Variants in BAALC observed in about 807,000 individuals in gnomAD.
BAALC encodes the protein BAALC binder of MAP3K1 and KLF4, also known as brain and acute leukemia cytoplasmic protein.
A neutral mutation model predicts 15.5 loss-of-function variants in BAALC; 9 were observed. The ratio of observed to expected loss-of-function variants is 0.58; its 90% CI spans 0.35 to 1.02. BAALC has a LOEUF of 1.02. BAALC is among the 50% of genes least tolerant of loss of function. The pLI is 0.02. For missense variants in BAALC, 201 were observed against 192.4 expected (o/e 1.04, Z -0.27); for synonymous variants, 80 against 74.6 (o/e 1.07, Z -0.37).
At chr8:103,203,715 C>T (rs150577543) in intron 1 of BAALC, among the ~76,000 whole-genome samples, 6 of 152,230 alleles carry the variant, frequency 3.9e-5, no homozygotes, top group African/African-American at 7.2e-5. Flanking sequence ...TTTCACGTAG[C>T]GTAATGGTTT....
rs1168540880 is a variant in BAALC, at chr8:103,181,448, T to TTTTGTATTTTTGTA, written c.161-31468_161-31467insGTATTTTTGTATTT. Among the ~76,000 whole-genome samples the TTTTGTATTTTTGTA allele has an allele frequency of 2.6e-5, 4 of 151,070 alleles. No homozygotes were observed. The East Asian group carries it at 7.8e-4, about 29-fold the overall frequency. ...CACCACGCCTGGCTAATTTTTTGTA[T>TTTTGTATTTTTGTA]TTTTAGTAGAGATGGGGGTTTCACC... is the stretch of plus-strand genomic sequence containing the variant. On this transcript the variant is annotated intron_variant, in intron 1 of 2. Transcript: ENST00000309982.
At chr8:103,201,104 T>C (rs1812204701) in intron 1 of BAALC, among the ~76,000 whole-genome samples, 1 of 152,126 alleles carries the variant, frequency 6.6e-6, no homozygotes, top group Non-Finnish European at 1.5e-5. Context: ...TTAAATCTGC[T>C]GACTTTGTGG....
chr8:103,188,425 A>G (rs1811893896), intron 1 of BAALC, among the ~76,000 whole-genome samples: 1 of 152,204 alleles, frequency 6.6e-6, no homozygotes. Context: ...GTTACTGGGA[A>G]AAGGATAAGG....
At chr8:103,186,433 T>G (rs1345525850) in intron 1 of BAALC, among the ~76,000 whole-genome samples, 1 of 152,206 alleles carries the variant, frequency 6.6e-6, no homozygotes, top group Non-Finnish European at 1.5e-5. Context: ...CCAATTCTCA[T>G]GACATTATAG....
chr8:103,169,390 C>T (rs1178835092), intron 1 of BAALC, among the ~76,000 whole-genome samples: 1 of 152,146 alleles, frequency 6.6e-6, no homozygotes, highest in Admixed American at 6.5e-5. Context: ...ATGTCCCCCA[C>T]CCCGTCTATT....
At chr8:103,146,735 C>G (rs1424521713) in intron 1 of BAALC, among the ~76,000 whole-genome samples, 1 of 152,212 alleles carries the variant, frequency 6.6e-6, no homozygotes, top group East Asian at 1.9e-4. Flanking sequence ...AACATCCCCA[C>G]CTTCCTTACA....
In BAALC at chr8:103,222,533, C is replaced by CA. The variant is rs780029199; in HGVS notation, c.328-5455dup. ...AGGAATTTGGGCAAGATAAAAAAAT[C>CA]AGAGTTTAGTCCTCAATTGCAACGA... On this transcript the variant is annotated intron_variant, in intron 2 of 2. Coordinates refer to ENST00000309982, the MANE Select transcript of BAALC (RefSeq NM_024812.3). 3.3e-3 allele frequency among the ~76,000 whole-genome samples: 500 copies of CA among 152,266 alleles called. 1 individual carries two copies. Among genetic ancestry groups the CA allele is most frequent in the African/African-American group, 0.01 (428 of 41,564 alleles).
At chr8:103,218,651 G>A (rs1365206549) in intron 2 of BAALC, among the ~76,000 whole-genome samples, 1 of 151,936 alleles carries the variant, frequency 6.6e-6, no homozygotes, top group African/African-American at 2.4e-5. Context: ...TCTGACATGT[G>A]GCTGGCCTTC....
At chr8:103,185,025 C>T (rs886368154) in intron 1 of BAALC, among the ~76,000 whole-genome samples, 1 of 152,094 alleles carries the variant, frequency 6.6e-6, no homozygotes, top group Admixed American at 6.6e-5. Flanking sequence ...GTTCTTGTCC[C>T]CGGCTTCACC....
intron 1 of BAALC, chr8:103,200,563 G>C: frequency 4.3e-6 from 2 of 467,178 alleles, no homozygotes; most frequent in South Asian, 5.4e-5. Context: ...CAACCAAAGA[G>C]TAAAAGACAA....
chr8:103,159,818 T>C (rs935381082), intron 1 of BAALC, among the ~76,000 whole-genome samples: 2 of 152,132 alleles, frequency 1.3e-5, no homozygotes, highest in African/African-American at 4.8e-5. Context: ...GAATTACCGA[T>C]TTCTCTAAGG....
chr8:103,141,414 C>G (rs1253329859), intron 1 of BAALC: 2 of 229,790 alleles, frequency 8.7e-6, no homozygotes, highest in Non-Finnish European at 1.7e-5. Context: ...AGGGCCGCCT[C>G]CGCCCCGCTT....
At chr8:103,144,134 T>C (rs1810836322) in intron 1 of BAALC, among the ~76,000 whole-genome samples, 1 of 152,200 alleles carries the variant, frequency 6.6e-6, no homozygotes, top group Non-Finnish European at 1.5e-5. Context: ...CTTAGCCCAA[T>C]CCAGATTGAG....
intron 1 of BAALC, among the ~76,000 whole-genome samples, chr8:103,203,571 T>C (rs1812266501): frequency 6.6e-6 from 1 of 152,224 alleles, no homozygotes; most frequent in South Asian, 2.1e-4. Context: ...CCTGAACTTA[T>C]TAACAGTCAC....
chr8:103,222,869 T>C (rs1199512995), intron 2 of BAALC, among the ~76,000 whole-genome samples: 2 of 152,204 alleles, frequency 1.3e-5, no homozygotes, highest in African/African-American at 4.8e-5. Flanking sequence ...TTCAGTATAA[T>C]GAGGCTTTAT....
At chr8:103,208,734 C>G (rs1229281962) in intron 1 of BAALC, among the ~76,000 whole-genome samples, 3 of 152,214 alleles carry the variant, frequency 2.0e-5, no homozygotes, top group African/African-American at 4.8e-5. Context: ...TTGCTGTTGC[C>G]TTTCTGCCTC....
intron 1 of BAALC, among the ~76,000 whole-genome samples, chr8:103,186,321 T>G (rs759309709): frequency 3.3e-5 from 5 of 152,164 alleles, no homozygotes; most frequent in Non-Finnish European, 5.9e-5. Flanking sequence ...CTCTGCTTTA[T>G]TAGATAAGGA....
intron 1 of BAALC, among the ~76,000 whole-genome samples, chr8:103,179,333 A>G (rs1218310051): frequency 1.3e-5 from 2 of 152,194 alleles, no homozygotes; most frequent in South Asian, 4.1e-4. Context: ...CATGCTGGGT[A>G]GGAGCCCCAG....
intron 1 of BAALC, among the ~76,000 whole-genome samples, chr8:103,154,029 G>A (rs555665984): frequency 3.3e-5 from 5 of 152,244 alleles, no homozygotes; most frequent in African/African-American, 1.2e-4. Context: ...CTCATTAAAC[G>A]ATTACCTCCA....
Sources: allele counts gnomAD v4.1 joint callset (sites outside exome capture counted in the v4.1 genomes callset), GRCh38; gene constraint gnomAD v4.1.1; transcripts MANE v1.5; gene names NCBI Gene and HGNC (gene_info 2026-07-23, HGNC 2026-07-21).